PARD3: variants seen among roughly 807,000 people sequenced by gnomAD.
PARD3 encodes par-3 family cell polarity regulator.
PARD3 carries 75 observed loss-of-function variants against 155.4 expected under a neutral mutation model. The ratio of observed to expected loss-of-function variants is 0.48; its 90% CI spans 0.40 to 0.58. PARD3 has a LOEUF of 0.58. Ranked by LOEUF, PARD3 falls within the 20% of genes least tolerant of loss-of-function variation. The pLI, the probability that PARD3 is intolerant of heterozygous loss-of-function variation, is 0.00. For synonymous variants in PARD3, 576 were observed against 610.5 expected (o/e 0.94, Z 0.83); for missense variants, 1,642 against 1,721.7 (o/e 0.95, Z 0.82).
chr10:34,759,362 C>A (rs1466351025), intron 1 of PARD3, among the ~76,000 whole-genome samples: 1 of 152,166 alleles, frequency 6.6e-6, no homozygotes. Context: ...TAAGCACTTA[C>A]TAGATACACT....
At chr10:34,590,297 A>C (rs1323569403) in intron 2 of PARD3, among the ~76,000 whole-genome samples, 1 of 152,210 alleles carries the variant, frequency 6.6e-6, no homozygotes, top group African/African-American at 2.4e-5. Context: ...GAATCCTTAA[A>C]ATTGCAACAA....
intron 2 of PARD3, among the ~76,000 whole-genome samples, chr10:34,525,710 G>GAGT (rs1486777562): frequency 4.0e-5 from 6 of 151,882 alleles, no homozygotes; most frequent in African/African-American, 1.5e-4. Flanking sequence ...CTGCAGTAGG[G>GAGT]ATTTTGCTTA....
At chr10:34,535,512 A>C (rs529824112) in intron 2 of PARD3, among the ~76,000 whole-genome samples, 2 of 152,320 alleles carry the variant, frequency 1.3e-5, no homozygotes, top group South Asian at 4.1e-4. Context: ...TTTTTGAGAT[A>C]GTCTCACTCT....
At chr10:34,776,767 G>A (rs537123340) in intron 1 of PARD3, among the ~76,000 whole-genome samples, 147 of 140,022 alleles carry the variant, frequency 1.0e-3, no homozygotes, top group African/African-American at 3.8e-3. Flanking sequence ...CACCATTGGT[G>A]GAAAAAGAAA....
intron 2 of PARD3, among the ~76,000 whole-genome samples, chr10:34,668,830 A>ATT (rs146182419): frequency 1.3e-5 from 2 of 148,230 alleles, no homozygotes; most frequent in Non-Finnish European, 3.0e-5. Context: ...TAAAAGTTTG[A>ATT]TTTTTTTTTT....
At chr10:34,686,344 T>G (rs1206434637) in intron 2 of PARD3, among the ~76,000 whole-genome samples, 2 of 152,126 alleles carry the variant, frequency 1.3e-5, no homozygotes, top group Admixed American at 6.6e-5. Flanking sequence ...TTTGTATATT[T>G]TAATGTTAAA....
At chr10:34,113,679 G>T (rs894420094) in intron 24 of PARD3, among the ~76,000 whole-genome samples, 1 of 152,084 alleles carries the variant, frequency 6.6e-6, no homozygotes, top group African/African-American at 2.4e-5. Context: ...AGGAAACTAA[G>T]CATCCAGCTG....
At position 34,755,747 on chromosome 10, in the gene PARD3, C is replaced by T. The variant is rs1047411656; in HGVS notation, c.120+59129G>A. ...GAGGAATGGGAAAAAGAAAACATTC[C>T]ATCCTAAGCATATATAACATGCTTT... On this transcript the variant is annotated intron_variant, in intron 1 of 24. Coordinates refer to ENST00000374788, the MANE Select transcript of PARD3 (RefSeq NM_001184785.2). Among the ~76,000 whole-genome samples the T allele has an allele frequency of 6.1e-5, 9 of 146,596 alleles. No individual in the cohort carries two copies. The East Asian group carries it at 1.2e-3, about 20-fold the overall frequency.
chr10:34,267,994 A>G (rs1335138710), intron 22 of PARD3, among the ~76,000 whole-genome samples: 2 of 152,316 alleles, frequency 1.3e-5, no homozygotes, highest in African/African-American at 4.8e-5. Context: ...AAATAGAGCA[A>G]CACTTATAAG....
At chr10:34,255,902 A>G (rs1362330894) in intron 22 of PARD3, among the ~76,000 whole-genome samples, 1 of 152,180 alleles carries the variant, frequency 6.6e-6, no homozygotes, top group Non-Finnish European at 1.5e-5. Flanking sequence ...TTGTAGTATA[A>G]ATAAGATTTT....
At chr10:34,657,449 T>C (rs759520462) in intron 2 of PARD3, among the ~76,000 whole-genome samples, 2 of 152,224 alleles carry the variant, frequency 1.3e-5, no homozygotes, top group African/African-American at 4.8e-5. Context: ...TTTATTCTCA[T>C]TGGATCTGTG....
At chr10:34,349,580 TAAAAAAAAAAAA>T in intron 14 of PARD3, among the ~76,000 whole-genome samples, 20 of 44,714 alleles carry the variant, frequency 4.5e-4, no homozygotes, top group African/African-American at 1.3e-3. Context: ...TCTGGGAAAG[TAAAAAAAAAAAA>T]AAAAAAAAAA....
In PARD3 at chr10:34,467,530, C is replaced by T. The variant is rs148976661; in HGVS notation, c.582+2555G>A. Among the ~76,000 whole-genome samples, 27 of 152,056 alleles carry T rather than the reference C, an allele frequency of 1.8e-4. 1 individual carries two copies. Among genetic ancestry groups the T allele is most frequent in the African/African-American group, 6.3e-4 (26 of 41,406 alleles). On this transcript the variant is annotated intron_variant, in intron 4 of 24. Coordinates refer to ENST00000374788, the MANE Select transcript of PARD3 (RefSeq NM_001184785.2). ...TGGGACGCTGAGATGGGAGGAACAC[C>T]CAAGTCCAAAAGTTTGAGACTGGCC...
At position 34,169,789 on chromosome 10, in the gene PARD3, C is replaced by T. The variant is rs79131623; in HGVS notation, c.3420-38206G>A. On this transcript the variant is annotated intron_variant, in intron 22 of 24. Coordinates refer to ENST00000374788, the MANE Select transcript of PARD3 (RefSeq NM_001184785.2). ...GTTAAGGCATTATGGCATTAAGTTC[C>T]GACAATTGAATGAAGGTTCCCTGGA... Among the ~76,000 whole-genome samples the T allele has an allele frequency of 5.2e-3, 790 of 152,226 alleles. 49 individuals are homozygous for T. The East Asian group carries it at 0.13, about 25-fold the overall frequency.
intron 1 of PARD3, among the ~76,000 whole-genome samples, chr10:34,725,054 CAA>C (rs2094677194): frequency 6.6e-6 from 1 of 150,726 alleles, no homozygotes; most frequent in Non-Finnish European, 1.5e-5. Flanking sequence ...ATGTGAGTAA[CAA>C]GAGTCCCTTA....
At chr10:34,803,059 C>G (rs145880230) in intron 1 of PARD3, among the ~76,000 whole-genome samples, 1 of 130,628 alleles carries the variant, frequency 7.7e-6, no homozygotes, top group Non-Finnish European at 1.6e-5. Flanking sequence ...AACCCCGTCT[C>G]TACTAAAAAT....
At chr10:34,282,209 T>C (rs1448624800) in intron 21 of PARD3, among the ~76,000 whole-genome samples, 2 of 152,074 alleles carry the variant, frequency 1.3e-5, no homozygotes, top group African/African-American at 4.8e-5. Context: ...AAAGTTGTTA[T>C]TGAAATACAA....
intron 3 of PARD3, among the ~76,000 whole-genome samples, chr10:34,473,273 G>A (rs992357631): frequency 5.9e-5 from 9 of 152,104 alleles, no homozygotes; most frequent in Admixed American, 1.3e-4. Flanking sequence ...GCACTACCTC[G>A]TCACTGAGTA....
intron 20 of PARD3, among the ~76,000 whole-genome samples, chr10:34,313,254 ATTACAT>A (rs1957802131): frequency 6.6e-6 from 1 of 152,228 alleles, no homozygotes. Context: ...ACACAGAATG[ATTACAT>A]TTACAAGTCA....
Sources: allele counts gnomAD v4.1 joint callset (sites outside exome capture counted in the v4.1 genomes callset), GRCh38; gene constraint gnomAD v4.1.1; transcripts MANE v1.5; gene names NCBI Gene and HGNC (gene_info 2026-07-23, HGNC 2026-07-21).